Variants in ARHGAP9 observed in about 807,000 individuals in gnomAD.
The protein encoded by ARHGAP9 is Rho GTPase activating protein 9, also known as rho GTPase-activating protein 9.
Under a neutral mutation model 87.3 loss-of-function variants are expected in ARHGAP9, and 76 were observed. The observed-to-expected ratio is 0.87, with a 90% CI of 0.72 to 1.05. The LOEUF is 1.05. Ranked by LOEUF, ARHGAP9 falls within the 50% of genes least tolerant of loss-of-function variation. ARHGAP9 has a pLI of 0.00. For missense variants in ARHGAP9, 941 were observed against 960.5 expected (o/e 0.98, Z 0.27); for synonymous variants, 382 against 394.9 (o/e 0.97, Z 0.39).
At position 57,479,800 on chromosome 12, in the gene ARHGAP9, C is replaced by A; in HGVS notation, c.-89G>T. 1.3e-6 allele frequency: 2 copies of A among 1,541,328 alleles called. No homozygotes were observed. Among genetic ancestry groups the A allele is most frequent in the Non-Finnish European group, 8.8e-7 (1 of 1,142,586 alleles). On this transcript the variant is annotated 5_prime_UTR_variant, in exon 1 of 18. Coordinates refer to ENST00000393791, the MANE Select transcript of ARHGAP9 (RefSeq NM_032496.4). Reference sequence around the variant, plus strand: ...GTAGTGGTGGGAGTCTTGAGGTGGACACAGGAAGGAGATAAGAAGAAAGAA... The same window carrying A: ...GTAGTGGTGGGAGTCTTGAGGTGGAAACAGGAAGGAGATAAGAAGAAAGAA...
upstream of ARHGAP9, among the ~76,000 whole-genome samples, chr12:57,483,056 G>A (rs1178160687): frequency 6.6e-6 from 1 of 150,706 alleles, no homozygotes; most frequent in East Asian, 1.9e-4. Flanking sequence ...CTAAGATCAT[G>A]CCACTGCGCT....
intron 15 of ARHGAP9, 45 bp from the exon 16 acceptor site, chr12:57,474,221 A>G: frequency 6.3e-7 from 1 of 1,596,774 alleles, no homozygotes; most frequent in Non-Finnish European, 8.5e-7. Flanking sequence ...GGCCAGAAAG[A>G]TTTAGAGACT....
chr12:57,474,946 G>A lies in ARHGAP9; in HGVS notation c.1580C>T (p.Ser527Leu). The A allele has an allele frequency of 6.2e-7, 1 of 1,614,136 alleles. No homozygotes were observed. Among genetic ancestry groups the A allele is most frequent in the Middle Eastern group, 1.6e-4 (1 of 6,062 alleles). ...CGTGTCTCCTTCCCGCTGGCAGAGTGATTCCAACTGGCAGCCGAACACCTG... is the reference window on the plus strand; with the variant it reads ...CGTGTCTCCTTCCCGCTGGCAGAGTAATTCCAACTGGCAGCCGAACACCTG... Reference protein sequence around the residue: ...RDQVFGCQLESLCQREGDTVP... With the variant: ...RDQVFGCQLELLCQREGDTVP... Residue 527 changes from serine (S) to leucine (L), a missense_variant, in exon 13 of 18, where the codon TCA (serine) becomes TTA (leucine). Ser to Leu is a moderately radical substitution (Grantham distance 145). Coordinates refer to ENST00000393791, the MANE Select transcript of ARHGAP9 (RefSeq NM_032496.4).
intron 1 of ARHGAP9, chr12:57,488,498 G>T: frequency 1.4e-6 from 2 of 1,411,884 alleles, no homozygotes; most frequent in South Asian, 1.2e-5. Flanking sequence ...ACACCTATCA[G>T]GCATCCCCCT....
intron 10 of ARHGAP9, 85 bp downstream of exon 10, chr12:57,475,748 A>G (rs754693921): frequency 5.0e-6 from 1 of 200,784 alleles, no homozygotes; most frequent in South Asian, 5.0e-5. Flanking sequence ...CCCTGCCCCC[A>G]ACTGCTCCTG....
At chr12:57,485,124 T>G (rs1229021523) in intron 1 of ARHGAP9, among the ~76,000 whole-genome samples, 1 of 150,678 alleles carries the variant, frequency 6.6e-6, no homozygotes, top group Non-Finnish European at 1.5e-5. Flanking sequence ...TTTTTGTATT[T>G]TTAGTAGAGA....
chr12:57,479,916 G>A, upstream of ARHGAP9: 1 of 1,442,586 alleles, frequency 6.9e-7, no homozygotes. Context: ...AAGCATCAAT[G>A]TTTCCGTTAC....
At chr12:57,476,342 T>G in intron 8 of ARHGAP9, 22 bp downstream of exon 8, 1 of 1,611,986 alleles carries the variant, frequency 6.2e-7, no homozygotes, top group African/African-American at 1.3e-5. Flanking sequence ...GCACCCATCC[T>G]GCGCCTCTCG....
chr12:57,474,760 G>C (rs1872958719), intron 13 of ARHGAP9, 57 bp from the exon 14 acceptor site: 4 of 1,608,294 alleles, frequency 2.5e-6, no homozygotes, highest in Non-Finnish European at 3.4e-6. Flanking sequence ...GTGTGGTGAG[G>C]GATATAAGGG....
chr12:57,475,547 G>C lies in ARHGAP9; in HGVS notation c.1380C>G (p.Asp460Glu). Reference sequence around the variant, plus strand: ...ACACCAGCTCCGACTCCTCTTCTTCGTCCTCCCCGGCGCTCAGCTCCGCGG... The same window carrying C: ...ACACCAGCTCCGACTCCTCTTCTTCCTCCTCCCCGGCGCTCAGCTCCGCGG... Reference protein sequence around the residue: ...SGPAELSAGEDEEEESELVSK... With the variant: ...SGPAELSAGEEEEEESELVSK... The change falls in exon 11 of 18, where the codon GAC (aspartate) becomes GAG (glutamate). Residue 460 changes from aspartate (D) to glutamate (E), a missense_variant. By Grantham distance (45) the Asp-to-Glu change is conservative. Transcript: ENST00000393791. 2 of 1,608,050 alleles carry C rather than the reference G, an allele frequency of 1.2e-6. No homozygotes were observed. The highest frequency in any genetic ancestry group is 1.7e-6 in the Non-Finnish European group (2 of 1,177,840).
rs1049054307 is a variant in ARHGAP9 at position 57,472,366 on chromosome 12, A to C, written c.*151T>G. Reference sequence around the variant, plus strand: ...ATCCACTCACTTTCCTCTTTAGAGAAGCTCCCTCACCCATCCCAACACCTC... The same window carrying C: ...ATCCACTCACTTTCCTCTTTAGAGACGCTCCCTCACCCATCCCAACACCTC... On this transcript the variant is annotated 3_prime_UTR_variant, in exon 18 of 18. Transcript: ENST00000393791. 24 of 950,060 alleles carry C rather than the reference A, an allele frequency of 2.5e-5. No individual in the cohort carries two copies. Among genetic ancestry groups the C allele is most frequent in the Non-Finnish European group, 3.5e-5 (23 of 664,976 alleles). 58.9% of individuals were successfully genotyped at this position (950,060 alleles called of 1,614,324 possible). A position where few individuals can be genotyped will look rare whatever the true frequency, so the allele number is the denominator to read the frequency against.
intron 1 of ARHGAP9, among the ~76,000 whole-genome samples, chr12:57,485,575 A>AC (rs1875340480): frequency 6.6e-6 from 1 of 151,692 alleles, no homozygotes; most frequent in Non-Finnish European, 1.5e-5. Flanking sequence ...AAAAAACAAA[A>AC]AAACTATTTT....
intron 1 of ARHGAP9, chr12:57,487,360 C>T (rs1324617309): frequency 6.6e-6 from 1 of 152,066 alleles, no homozygotes; most frequent in Admixed American, 6.6e-5. Flanking sequence ...ATGGTAACTC[C>T]GAACTCTAAA....
At position 57,475,586 on chromosome 12, in the gene ARHGAP9, C is replaced by G. The variant is rs1190573923; in HGVS notation, c.1341G>C (p.Leu447=). Residue 447 remains leucine, a synonymous_variant, in exon 11 of 18, where the codon CTG becomes CTC. Transcript: ENST00000393791. The part of the protein sequence containing the change: ...LDRENPLELR[L]SGSGPAELSA... ...TCAGCTCCGCGGGTCCAGAGCCCGACAGACGCAGCTCCAGGGGGTTCTCCC... is the reference window on the plus strand; with the variant it reads ...TCAGCTCCGCGGGTCCAGAGCCCGAGAGACGCAGCTCCAGGGGGTTCTCCC... The G allele has an allele frequency of 6.2e-7, 1 of 1,612,486 alleles. No individual in the cohort carries two copies. Among genetic ancestry groups the G allele is most frequent in the Non-Finnish European group, 8.5e-7 (1 of 1,179,542 alleles).
upstream of ARHGAP9, chr12:57,479,968 C>T (rs1874848529): frequency 7.3e-7 from 1 of 1,373,410 alleles, no homozygotes; most frequent in Non-Finnish European, 9.4e-7. Flanking sequence ...TGTGCAGACT[C>T]AGAGAGACAT....
chr12:57,472,840 G>C, intron 17 of ARHGAP9, 152 bp from the exon 18 acceptor site: 6 of 781,170 alleles, frequency 7.7e-6, no homozygotes, highest in Non-Finnish European at 1.2e-5. Context: ...AAGGAGAATG[G>C]AGATGGACCA....
chr12:57,477,003 G>A (rs757474055), intron 5 of ARHGAP9, 40 bp from the exon 6 acceptor site: 14 of 1,593,596 alleles, frequency 8.8e-6, no homozygotes, highest in African/African-American at 4.1e-5. Context: ...GGAAACGCTC[G>A]ACTCAGGGAT....
intron 1 of ARHGAP9, chr12:57,488,192 C>T: frequency 1.2e-6 from 2 of 1,611,350 alleles, no homozygotes; most frequent in Non-Finnish European, 8.5e-7. Context: ...GCACTGTAGG[C>T]CCGGAAGGTA....
rs759314978 is a variant in ARHGAP9 at position 57,475,408 on chromosome 12, G to A, written c.1445-10C>T. Reference sequence around the variant, plus strand: ...CCTTCGGGCCCCCGAACTGCAGGAGGCAGGTAGAGCGGGGCGTGAGCGCCC... The same window carrying A: ...CCTTCGGGCCCCCGAACTGCAGGAGACAGGTAGAGCGGGGCGTGAGCGCCC... On this transcript the variant is annotated splice_polypyrimidine_tract_variant and intron_variant, in intron 11 of 17. Transcript: ENST00000393791. 1 of 1,588,644 alleles carries A rather than the reference G, an allele frequency of 6.3e-7. No individual in the cohort carries two copies. Among genetic ancestry groups the A allele is most frequent in the Non-Finnish European group, 8.6e-7 (1 of 1,167,632 alleles).
Sources: gnomAD v4.1 joint callset for allele counts (sites outside exome capture counted in the v4.1 genomes callset) on GRCh38, gnomAD v4.1.1 for gene constraint, MANE v1.5 for transcripts, NCBI Gene and HGNC (gene_info 2026-07-23, HGNC 2026-07-21) for gene names.